Variants in COL13A1 observed in about 807,000 individuals in gnomAD.
The protein encoded by COL13A1 is collagen alpha-1(XIII) chain.
Under a neutral mutation model 130.9 loss-of-function variants are expected in COL13A1, and 89 were observed. That is an observed-to-expected ratio of 0.68 (90% confidence interval 0.57 to 0.81). The LOEUF is 0.81. Among genes scored for constraint, COL13A1 ranks in the 30% least tolerant of loss-of-function variants. The pLI is 0.00. For missense variants in COL13A1, 879 were observed against 934.6 expected, an observed-to-expected ratio of 0.94 and a Z score of 0.78; for synonymous variants, 402 against 341.6, an observed-to-expected ratio of 1.18 and a Z score of -1.95.
intron 38 of COL13A1, among the ~76,000 whole-genome samples, chr10:69,951,180 T>G (rs2069500034): frequency 6.6e-6 from 1 of 152,048 alleles, no homozygotes. Flanking sequence ...CTTCCTCTAA[T>G]GAACATCTAC....
At position 69,802,258 on chromosome 10, in the gene COL13A1, T is replaced by C. The variant is rs1380424641; in HGVS notation, c.-166T>C. On this transcript the variant is annotated 5_prime_UTR_variant, in exon 1 of 41. Coordinates refer to ENST00000645393, the MANE Select transcript of COL13A1 (RefSeq NM_001368882.1). ...TGTGCTTTTTCGGCACTTCCTCTCC[T>C]ACTGCTAATTTTTCCGTCCTCTTTG... 2 of 809,150 alleles carry C rather than the reference T, an allele frequency of 2.5e-6. No homozygotes were observed. Among genetic ancestry groups the C allele is most frequent in the African/African-American group, 3.7e-5 (2 of 54,582 alleles). 50.1% of individuals were successfully genotyped at this position (809,150 alleles called of 1,614,324 possible).
intron 1 of COL13A1, among the ~76,000 whole-genome samples, chr10:69,820,296 G>A (rs1161352687): frequency 2.0e-5 from 3 of 152,226 alleles, no homozygotes; most frequent in East Asian, 1.9e-4. Context: ...CACAAATTCT[G>A]TCTCCAGCCC....
chr10:69,804,190 G>A (rs1053217059), intron 1 of COL13A1, among the ~76,000 whole-genome samples: 7 of 151,978 alleles, frequency 4.6e-5, no homozygotes, highest in Non-Finnish European at 5.9e-5. Context: ...CTGGCTGGGT[G>A]GTGAAGAAGG....
At chr10:69,863,680 C>T (rs996318845) in intron 2 of COL13A1, among the ~76,000 whole-genome samples, 8 of 152,166 alleles carry the variant, frequency 5.3e-5, no homozygotes, top group Non-Finnish European at 1.2e-4. Flanking sequence ...GCCGCCCCTT[C>T]CACCCCTGAG....
intron 1 of COL13A1, among the ~76,000 whole-genome samples, chr10:69,812,244 G>A (rs1843249062): frequency 6.6e-6 from 1 of 152,172 alleles, no homozygotes; most frequent in Admixed American, 6.5e-5. Flanking sequence ...CTGGAGTCCA[G>A]CTACATGGTG....
chr10:69,957,099 TC>T, intron 40 of COL13A1, 57 bp downstream of exon 40: 1 of 1,421,112 alleles, frequency 7.0e-7, no homozygotes, highest in Non-Finnish European at 9.9e-7. Context: ...CCATAAAGCT[TC>T]CACAATTTCC....
At chr10:69,856,600 TG>T (rs2133703916) in intron 2 of COL13A1, among the ~76,000 whole-genome samples, 1 of 152,274 alleles carries the variant, frequency 6.6e-6, no homozygotes, top group East Asian at 1.9e-4. Context: ...TTTGATGTCG[TG>T]GGGTTGTGGT....
chr10:69,864,018 G>A (rs776418173), intron 2 of COL13A1, among the ~76,000 whole-genome samples: 3 of 151,968 alleles, frequency 2.0e-5, no homozygotes, highest in Non-Finnish European at 4.4e-5. Context: ...GTAGTGAGCC[G>A]TGATTGCACC....
intron 1 of COL13A1, among the ~76,000 whole-genome samples, chr10:69,817,055 T>C (rs1317582031): frequency 2.6e-5 from 4 of 152,226 alleles, no homozygotes; most frequent in Non-Finnish European, 4.4e-5. Flanking sequence ...TTTGTAAATA[T>C]ATATTTTTTA....
Position 69,937,649 on chromosome 10 carries a change from A to G in COL13A1, c.1812A>G (p.Leu604=). 6.5e-7 allele frequency: 1 copy of G among 1,544,976 alleles called. No individual in the cohort carries two copies. Among genetic ancestry groups the G allele is most frequent in the Non-Finnish European group, 9.0e-7 (1 of 1,116,966 alleles). ...CTTTCCTCCAGGGGGAAGCAGGACT[A>G]GATGGAGCAAAAGGAGAGAAAGGCT... The part of the protein sequence containing the change: ...GVPGPKGEAG[L]DGAKGEKGFQ... Residue 604 remains leucine, a synonymous_variant, in exon 34 of 41, where the codon CTA becomes CTG. Coordinates refer to ENST00000645393, the MANE Select transcript of COL13A1 (RefSeq NM_001368882.1).
intron 35 of COL13A1, among the ~76,000 whole-genome samples, chr10:69,942,091 C>T (rs1299149678): frequency 2.6e-5 from 4 of 152,202 alleles, no homozygotes; most frequent in African/African-American, 9.7e-5. Context: ...CAGGTCTTCC[C>T]AGGTGGCCGG....
At chr10:69,879,382 G>A (rs1428695541) in intron 6 of COL13A1, 1 of 152,144 alleles carries the variant, frequency 6.6e-6, no homozygotes, top group South Asian at 2.1e-4. Context: ...TATGAGACAG[G>A]CGCTATCTGT....
intron 2 of COL13A1, among the ~76,000 whole-genome samples, chr10:69,837,244 C>A (rs934267219): frequency 6.6e-6 from 1 of 152,238 alleles, no homozygotes; most frequent in East Asian, 1.9e-4. Context: ...CATGGGGGAC[C>A]TTACCAATGA....
chr10:69,921,814 G>A (rs1187147486), intron 21 of COL13A1, 68 bp from the exon 22 acceptor site: 8 of 1,555,390 alleles, frequency 5.1e-6, no homozygotes, highest in Non-Finnish European at 7.0e-6. Context: ...AAGCTGTGGA[G>A]CTGGTGGCTT....
At chr10:69,865,025 T>A (rs540525155) in intron 2 of COL13A1, among the ~76,000 whole-genome samples, 1 of 152,284 alleles carries the variant, frequency 6.6e-6, no homozygotes, top group African/African-American at 2.4e-5. Context: ...TCCTCCTCTC[T>A]CAAAATGTGG....
chr10:69,872,132 T>C (rs760010320), intron 3 of COL13A1, 52 bp from the exon 4 acceptor site: 1 of 1,609,910 alleles, frequency 6.2e-7, no homozygotes, highest in Non-Finnish European at 8.5e-7. Context: ...TGTTCAACAG[T>C]TAGGTGTTAC....
At chr10:69,891,156 G>A (rs1194135570) in intron 10 of COL13A1, among the ~76,000 whole-genome samples, 1 of 152,176 alleles carries the variant, frequency 6.6e-6, no homozygotes, top group Non-Finnish European at 1.5e-5. Flanking sequence ...GTCTAGTAGG[G>A]AGACATCCTT....
chr10:69,926,986 T>G, intron 26 of COL13A1, 101 bp from the exon 27 acceptor site: 2 of 1,551,340 alleles, frequency 1.3e-6, no homozygotes, highest in Non-Finnish European at 1.8e-6. Context: ...CCACGCTCCT[T>G]TGAGGGGCCT....
chr10:69,902,646 C>A, intron 14 of COL13A1, 102 bp from the exon 15 acceptor site: 1 of 909,024 alleles, frequency 1.1e-6, no homozygotes, highest in Non-Finnish European at 1.6e-6. Flanking sequence ...TCCTTCCCGG[C>A]AGAAATCACA....
Sources: allele counts gnomAD v4.1 joint callset (sites outside exome capture counted in the v4.1 genomes callset), GRCh38; gene constraint gnomAD v4.1.1; transcripts MANE v1.5; gene names NCBI Gene and HGNC (gene_info 2026-07-23, HGNC 2026-07-21).